The following SLC37A1 variants were observed in gnomAD, a reference collection of about 807,000 sequenced individuals.
SLC37A1 encodes the protein glucose-6-phosphate exchanger SLC37A1.
In SLC37A1, 49 loss-of-function variants were observed where a neutral mutation model predicts 75.3. That is an observed-to-expected ratio of 0.65 (90% CI 0.52 to 0.83). The LOEUF (loss-of-function observed/expected upper bound fraction) is 0.83, where lower values mean the gene tolerates loss of function less well. Among genes scored for constraint, SLC37A1 ranks in the 40% least tolerant of loss-of-function variants. The pLI, the probability that SLC37A1 is intolerant of heterozygous loss-of-function variation, is 0.00. For missense variants in SLC37A1, 566 were observed against 695.0 expected (o/e 0.81, Z 2.09); for synonymous variants, 268 against 292.1 (o/e 0.92, Z 0.84).
At chr21:42,565,950 A>G (rs756910262) in intron 15 of SLC37A1, 75 bp downstream of exon 15, 98 of 1,460,606 alleles carry the variant, frequency 6.7e-5, no homozygotes, top group Non-Finnish European at 9.0e-5. Flanking sequence ...ATGAAATACT[A>G]AAATCAACAG....
intron 5 of SLC37A1, among the ~76,000 whole-genome samples, chr21:42,536,589 T>G (rs2055143726): frequency 6.6e-6 from 1 of 152,234 alleles, no homozygotes. Flanking sequence ...TTTATCTAAC[T>G]GGGAAGTTCA....
chr21:42,518,350 G>A lies in SLC37A1; in HGVS notation c.-105G>A. 4.2e-6 allele frequency: 6 copies of A among 1,434,542 alleles called. No homozygotes were observed. The highest frequency in any genetic ancestry group is 5.9e-6 in the Non-Finnish European group (6 of 1,019,890). The allele number at this position is 1,434,542 out of a possible 1,614,324, so 88.9% of individuals were successfully genotyped here. ...CTTCTTTCCACGCTTTCCAGCCTGTGGGAGCGGCAGGGGCAACAGAGAGAG... is the reference window on the plus strand; with the variant it reads ...CTTCTTTCCACGCTTTCCAGCCTGTAGGAGCGGCAGGGGCAACAGAGAGAG... On this transcript the variant is annotated 5_prime_UTR_variant, in exon 2 of 20. Transcript: ENST00000352133.
chr21:42,546,773 A>G (rs1000428989), intron 8 of SLC37A1, among the ~76,000 whole-genome samples: 1 of 152,258 alleles, frequency 6.6e-6, no homozygotes, highest in Non-Finnish European at 1.5e-5. Flanking sequence ...AACGAATGCC[A>G]ATTTAGTAAA....
At chr21:42,506,031 G>T (rs1226906301) in intron 2 of SLC37A1, among the ~76,000 whole-genome samples, 1 of 152,224 alleles carries the variant, frequency 6.6e-6, no homozygotes, top group African/African-American at 2.4e-5. Context: ...TAATGTTGTT[G>T]AAGTGGAGGC....
At chr21:42,565,226 A>G (rs976566562) in intron 14 of SLC37A1, among the ~76,000 whole-genome samples, 1 of 152,210 alleles carries the variant, frequency 6.6e-6, no homozygotes, top group Non-Finnish European at 1.5e-5. Context: ...CATCTGGAAA[A>G]TGGGACGTCA....
intron 5 of SLC37A1, among the ~76,000 whole-genome samples, chr21:42,537,002 C>A (rs763392960): frequency 6.6e-6 from 1 of 152,140 alleles, no homozygotes; most frequent in African/African-American, 2.4e-5. Flanking sequence ...AGGTCTTTAC[C>A]GCCTGGAGAA....
intron 18 of SLC37A1, chr21:42,575,544 A>G: frequency 1.0e-6 from 1 of 985,424 alleles, no homozygotes; most frequent in Non-Finnish European, 1.2e-6. Flanking sequence ...TCCCCTGGGT[A>G]AGGAAGACCA....
intron 17 of SLC37A1, among the ~76,000 whole-genome samples, chr21:42,569,598 G>A (rs56156315): frequency 0.5 from 74,695 of 150,190 alleles, 20,362 homozygotes; most frequent in Non-Finnish European, 0.6. Flanking sequence ...CATCCTCTCA[G>A]CAAGACTTCC....
intron 8 of SLC37A1, among the ~76,000 whole-genome samples, chr21:42,546,476 GGGGCTTGTCCTCTGAATGAGAGTCGT>G (rs2055409663): frequency 1.3e-5 from 2 of 152,210 alleles, no homozygotes; most frequent in Non-Finnish European, 2.9e-5. Context: ...CTTTTCTTCT[GGGGCTTGTCCTCTGAATGAGAGTCGT>G]GGGCTTGTCC....
chr21:42,560,709 A>G (rs760175713), intron 11 of SLC37A1, among the ~76,000 whole-genome samples: 3 of 152,232 alleles, frequency 2.0e-5, no homozygotes, highest in South Asian at 4.1e-4. Flanking sequence ...AGGGCTGTGC[A>G]TGCTGGCCTG....
At chr21:42,525,919 G>A in intron 3 of SLC37A1, 62 bp downstream of exon 3, 2 of 1,264,538 alleles carry the variant, frequency 1.6e-6, no homozygotes, top group Middle Eastern at 1.9e-4. Flanking sequence ...TGAAAAGCTT[G>A]TGGGGCAGAG....
At chr21:42,533,253 C>T (rs2055039791) in intron 3 of SLC37A1, among the ~76,000 whole-genome samples, 1 of 152,132 alleles carries the variant, frequency 6.6e-6, no homozygotes, top group Non-Finnish European at 1.5e-5. Flanking sequence ...TCTGGTATCA[C>T]GGGCACTGAA....
intron 15 of SLC37A1, among the ~76,000 whole-genome samples, chr21:42,566,220 C>T (rs113741089): frequency 0.09 from 13,720 of 152,252 alleles, 869 homozygotes; most frequent in Non-Finnish European, 0.13. Context: ...CAGCAGCCTG[C>T]GACCTGCCAC....
chr21:42,507,371 T>A (rs1029984368), intron 2 of SLC37A1, among the ~76,000 whole-genome samples: 1 of 152,198 alleles, frequency 6.6e-6, no homozygotes, highest in African/African-American at 2.4e-5. Context: ...GTCTTCAGTG[T>A]AGGCTGTGAG....
At chr21:42,532,397 G>A (rs573821419) in intron 3 of SLC37A1, among the ~76,000 whole-genome samples, 1 of 152,278 alleles carries the variant, frequency 6.6e-6, no homozygotes, top group Admixed American at 6.5e-5. Context: ...GCTTCTCCCT[G>A]CACATGATTC....
chr21:42,527,660 T>C (rs1228216104), intron 3 of SLC37A1, among the ~76,000 whole-genome samples: 2 of 152,182 alleles, frequency 1.3e-5, no homozygotes, highest in Non-Finnish European at 2.9e-5. Flanking sequence ...GAGAATTCCC[T>C]GTGGGTCAGG....
At chr21:42,574,748 C>G (rs111257582) in intron 17 of SLC37A1, 70 bp from the exon 18 acceptor site, 166,348 of 1,467,406 alleles carry the variant, frequency 0.11, 10,739 homozygotes, top group Non-Finnish European at 0.13. Flanking sequence ...GCCCCATTCT[C>G]TGTGGCTGCT....
At chr21:42,556,117 G>T (rs1467622696) in intron 10 of SLC37A1, among the ~76,000 whole-genome samples, 1 of 152,230 alleles carries the variant, frequency 6.6e-6, no homozygotes, top group African/African-American at 2.4e-5. Context: ...AAGAAAGCTG[G>T]GGGGCGGGGA....
intron 16 of SLC37A1, among the ~76,000 whole-genome samples, 158 bp downstream of exon 16, chr21:42,567,216 C>T (rs113853144): frequency 0.091 from 13,854 of 152,208 alleles, 879 homozygotes; most frequent in Non-Finnish European, 0.14. Context: ...CCGCACCTGC[C>T]CCGCTGCTCA....
Sources: gnomAD v4.1 joint callset for allele counts (sites outside exome capture counted in the v4.1 genomes callset) on GRCh38, gnomAD v4.1.1 for gene constraint, MANE v1.5 for transcripts, NCBI Gene and HGNC (gene_info 2026-07-23, HGNC 2026-07-21) for gene names.